PHACTR1: variants seen among roughly 807,000 people sequenced by gnomAD.
PHACTR1 encodes the protein RPEL repeat containing 1.
A neutral mutation model predicts 69.2 loss-of-function variants in PHACTR1; 16 were observed. The observed-to-expected ratio is 0.23, with a 90% CI of 0.16 to 0.35. The LOEUF (loss-of-function observed/expected upper bound fraction) is 0.35, where lower values mean the gene tolerates loss of function less well. PHACTR1 is among the 10% of genes least tolerant of loss of function. PHACTR1 has a pLI of 1.00. For missense variants in PHACTR1, 510 were observed against 734.7 expected, an observed-to-expected ratio of 0.69 and a Z score of 3.54; for synonymous variants, 312 against 284.5, an observed-to-expected ratio of 1.10 and a Z score of -0.97.
chr6:13,206,908 C>T lies in PHACTR1; in HGVS notation c.986+772C>T, dbSNP rs530283652. Among the ~76,000 whole-genome samples, 21 of 151,822 alleles carry T rather than the reference C, an allele frequency of 1.4e-4. No homozygotes were observed. The East Asian group carries it at 3.1e-3, about 22-fold the overall frequency. On this transcript the variant is annotated intron_variant, in intron 8 of 14. Coordinates refer to ENST00000332995, the MANE Select transcript of PHACTR1 (RefSeq NM_030948.6). Reference sequence around the variant, plus strand: ...GGAGAACGTGCAGACTCCACACAGACGATGGCCCCAGCTGGGAATCAGTTT... The same window carrying T: ...GGAGAACGTGCAGACTCCACACAGATGATGGCCCCAGCTGGGAATCAGTTT...
chr6:12,776,855 T>C (rs1770122267), intron 4 of PHACTR1, among the ~76,000 whole-genome samples: 1 of 152,222 alleles, frequency 6.6e-6, no homozygotes, highest in African/African-American at 2.4e-5. Flanking sequence ...AGTCTTAAAT[T>C]CTTTAGCAAA....
intron 4 of PHACTR1, among the ~76,000 whole-genome samples, chr6:12,845,425 A>ACCCCCCCCCCCCC (rs1332657788): frequency 6.8e-5 from 1 of 14,810 alleles, no homozygotes; most frequent in Admixed American, 8.2e-4. Context: ...TGTGAACACC[A>ACCCCCCCCCCCCC]CCCACCCCCC....
chr6:12,956,387 T>C (rs974620748), intron 4 of PHACTR1, among the ~76,000 whole-genome samples: 3 of 152,208 alleles, frequency 2.0e-5, no homozygotes, highest in African/African-American at 2.4e-5. Flanking sequence ...TGTTTGAACA[T>C]GCTTGCTCCT....
At chr6:12,862,397 C>T (rs1781030422) in intron 4 of PHACTR1, among the ~76,000 whole-genome samples, 1 of 152,092 alleles carries the variant, frequency 6.6e-6, no homozygotes. Flanking sequence ...CAGTCTAGGT[C>T]AACTACAAAG....
chr6:12,824,709 A>G (rs896002674), intron 4 of PHACTR1, among the ~76,000 whole-genome samples: 8 of 152,210 alleles, frequency 5.3e-5, no homozygotes, highest in Non-Finnish European at 1.2e-4. Flanking sequence ...CTTCTCAACC[A>G]TGTCATAATG....
At chr6:13,191,672 A>G (rs1233588224) in intron 7 of PHACTR1, among the ~76,000 whole-genome samples, 3 of 152,194 alleles carry the variant, frequency 2.0e-5, no homozygotes, top group Admixed American at 6.5e-5. Context: ...GCTTGTTTCC[A>G]TATCAAAGGG....
intron 4 of PHACTR1, among the ~76,000 whole-genome samples, chr6:12,927,278 C>T (rs2127522880): frequency 6.6e-6 from 1 of 152,280 alleles, no homozygotes; most frequent in South Asian, 2.1e-4. Flanking sequence ...GTTTAGTGCT[C>T]CCTGAGGACA....
intron 7 of PHACTR1, among the ~76,000 whole-genome samples, chr6:13,187,085 C>G (rs1762914202): frequency 6.6e-6 from 1 of 152,192 alleles, no homozygotes; most frequent in East Asian, 1.9e-4. Context: ...GGAGGTGGAG[C>G]TCAGGAGGTA....
At chr6:13,134,621 C>T (rs901099499) in intron 5 of PHACTR1, among the ~76,000 whole-genome samples, 1 of 151,736 alleles carries the variant, frequency 6.6e-6, no homozygotes, top group Non-Finnish European at 1.5e-5. Flanking sequence ...ATCACCACTC[C>T]CTAATCTCAA....
chr6:12,786,645 T>C (rs1771584088), intron 4 of PHACTR1, among the ~76,000 whole-genome samples: 1 of 152,244 alleles, frequency 6.6e-6, no homozygotes, highest in African/African-American at 2.4e-5. Flanking sequence ...TGGAAATTGT[T>C]GTTCTAAAGT....
intron 5 of PHACTR1, among the ~76,000 whole-genome samples, chr6:13,125,377 T>G (rs944556173): frequency 6.6e-6 from 1 of 152,118 alleles, no homozygotes; most frequent in Admixed American, 6.5e-5. Context: ...TTTTTTTTTT[T>G]GTATGTAGCT....
chr6:12,937,683 A>G (rs1789617797), intron 4 of PHACTR1, among the ~76,000 whole-genome samples: 1 of 151,736 alleles, frequency 6.6e-6, no homozygotes, highest in South Asian at 2.1e-4. Flanking sequence ...TGGGCAGAAC[A>G]AAAGCTCCCA....
intron 5 of PHACTR1, among the ~76,000 whole-genome samples, chr6:13,076,880 G>A (rs116229984): frequency 0.012 from 1,841 of 149,400 alleles, 31 homozygotes; most frequent in African/African-American, 0.04. Context: ...TGAGAGGTCA[G>A]GGCAGAGGGT....
chr6:13,098,633 C>T (rs1814656632), intron 5 of PHACTR1, among the ~76,000 whole-genome samples: 1 of 152,242 alleles, frequency 6.6e-6, no homozygotes, highest in Admixed American at 6.5e-5. Flanking sequence ...GATCCACCTT[C>T]TGTGTCTCCT....
At chr6:12,855,048 A>C (rs1780211243) in intron 4 of PHACTR1, among the ~76,000 whole-genome samples, 3 of 152,212 alleles carry the variant, frequency 2.0e-5, no homozygotes, top group Admixed American at 6.5e-5. Flanking sequence ...GTGTACTCTC[A>C]AAGGAAATTA....
Position 12,929,010 on chromosome 6 carries a change from A to C in PHACTR1, c.251-124355A>C, listed in dbSNP as rs114744209. ...TCTCCAGGCAATTCCAATGTGCAGC[A>C]AAGTTTGAGAAATACTGCTTTAGAG... On this transcript the variant is annotated intron_variant, in intron 4 of 14. Coordinates refer to ENST00000332995, the MANE Select transcript of PHACTR1 (RefSeq NM_030948.6). Among the ~76,000 whole-genome samples, 565 of 152,352 alleles carry C rather than the reference A, an allele frequency of 3.7e-3. 4 individuals carry two copies. Among genetic ancestry groups the C allele is most frequent in the African/African-American group, 0.013 (529 of 41,580 alleles).
intron 8 of PHACTR1, among the ~76,000 whole-genome samples, chr6:13,218,866 GA>G: frequency 9.8e-5 from 1 of 10,252 alleles, no homozygotes; most frequent in South Asian, 2.8e-3. Flanking sequence ...GAGAAGAGAA[GA>G]GAAGAGAAGA....
chr6:12,828,879 G>T (rs932521006), intron 4 of PHACTR1, among the ~76,000 whole-genome samples: 4 of 152,046 alleles, frequency 2.6e-5, no homozygotes, highest in African/African-American at 9.7e-5. Context: ...TGGATAGGAG[G>T]AATAAGTTTT....
In PHACTR1 at chr6:12,934,090, G is replaced by A. The variant is rs996077575; in HGVS notation, c.251-119275G>A. 9.1e-6 allele frequency: 10 copies of A among 1,095,246 alleles called. No individual in the cohort carries two copies. In the East Asian group the frequency reaches 2.9e-4, roughly 31 times the overall value. 67.8% of individuals were successfully genotyped at this position (1,095,246 alleles called of 1,614,324 possible). A position where few individuals can be genotyped will look rare whatever the true frequency, so the allele number is the denominator to read the frequency against. ...CCACGGTCCTTTTGCAGGCTCTAGGGAAGAACCTTCTTGTGTCTTCCAGCT... is the reference window on the plus strand; with the variant it reads ...CCACGGTCCTTTTGCAGGCTCTAGGAAAGAACCTTCTTGTGTCTTCCAGCT... On this transcript the variant is annotated intron_variant, in intron 4 of 14. Coordinates refer to ENST00000332995, the MANE Select transcript of PHACTR1 (RefSeq NM_030948.6).
Sources: allele counts gnomAD v4.1 joint callset (sites outside exome capture counted in the v4.1 genomes callset), GRCh38; gene constraint gnomAD v4.1.1; transcripts MANE v1.5; gene names NCBI Gene and HGNC (gene_info 2026-07-23, HGNC 2026-07-21).